The following MSH3 variants were observed in gnomAD, a reference collection of about 807,000 sequenced individuals.
MSH3 encodes the protein DNA mismatch repair protein Msh3.
MSH3 carries 106 observed loss-of-function variants against 123.3 expected under a neutral mutation model. The observed-to-expected ratio is 0.86, with a 90% confidence interval of 0.73 to 1.01. MSH3 has a LOEUF of 1.01. Among genes scored for constraint, MSH3 ranks in the 50% least tolerant of loss-of-function variants. The pLI is 0.00. For synonymous variants in MSH3, 515 were observed against 481.4 expected, an observed-to-expected ratio of 1.07 and a Z score of -0.91; for missense variants, 1,459 against 1,347.6, an observed-to-expected ratio of 1.08 and a Z score of -1.29.
In MSH3 at chr5:80,712,832, A is replaced by G. The variant is rs534545753; in HGVS notation, c.1341-12621A>G. ...AATTATAATTTCAAATAATGCCCTT[A>G]GTCTTCTAAGAAAGTGGTGGTTGTT... On this transcript the variant is annotated intron_variant, in intron 8 of 23. Transcript: ENST00000265081. Among the ~76,000 whole-genome samples the G allele has an allele frequency of 2.2e-4, 34 of 151,904 alleles. 2 individuals carry two copies. The South Asian group carries it at 7.1e-3, about 32-fold the overall frequency.
At chr5:80,784,443 G>A (rs145082646) in intron 17 of MSH3, among the ~76,000 whole-genome samples, 2 of 151,912 alleles carry the variant, frequency 1.3e-5, no homozygotes, top group Admixed American at 1.3e-4. Context: ...TATAGTAGGT[G>A]TATATATTTA....
intron 4 of MSH3, among the ~76,000 whole-genome samples, chr5:80,671,122 C>CA (rs36020965): frequency 1.0e-3 from 152 of 145,076 alleles, no homozygotes; most frequent in Admixed American, 1.9e-3. Context: ...GACTCTGTCT[C>CA]AAAAAAAAAA....
chr5:80,865,230 C>T (rs1746079440), intron 22 of MSH3, among the ~76,000 whole-genome samples: 1 of 151,966 alleles, frequency 6.6e-6, no homozygotes, highest in Non-Finnish European at 1.5e-5. Context: ...TTAGGTTTTC[C>T]TCTTAGTGCC....
At chr5:80,793,185 C>T (rs1331538729) in intron 19 of MSH3, among the ~76,000 whole-genome samples, 4 of 152,200 alleles carry the variant, frequency 2.6e-5, no homozygotes, top group Non-Finnish European at 4.4e-5. Flanking sequence ...ATCCTTTGTA[C>T]TGTGACTATT....
chr5:80,827,943 G>A (rs77887353), intron 20 of MSH3, among the ~76,000 whole-genome samples: 2,487 of 152,102 alleles, frequency 0.016, 68 homozygotes, highest in African/African-American at 0.058. Context: ...CCAAAACTGA[G>A]AGGAAGGTAT....
chr5:80,672,832 A>T lies in MSH3; in HGVS notation c.1001A>T (p.Tyr334Phe), dbSNP rs774838967. 1.9e-5 allele frequency: 30 copies of T among 1,612,974 alleles called. No homozygotes were observed. The highest frequency in any genetic ancestry group is 1.8e-4 in the East Asian group (8 of 44,844). Reference sequence around the variant, plus strand: ...TTTTCCCGGAAATTGACTGCCCTTTATACAAAATCTACACTTATTGGAGAA... The same window carrying T: ...TTTTCCCGGAAATTGACTGCCCTTTTTACAAAATCTACACTTATTGGAGAA... ...SLFSRKLTAL[Y>F]TKSTLIGEDV... Residue 334 changes from tyrosine to phenylalanine, a missense_variant, in exon 6 of 24, where the codon TAT (tyrosine) becomes TTT (phenylalanine). Physicochemically the swap from Tyr to Phe is conservative, Grantham distance 22 (BLOSUM62 3). Coordinates refer to ENST00000265081, the MANE Select transcript of MSH3 (RefSeq NM_002439.5).
At chr5:80,656,620 G>A in intron 2 of MSH3, 89 bp downstream of exon 2, 3 of 1,571,006 alleles carry the variant, frequency 1.9e-6, no homozygotes, top group African/African-American at 1.4e-5. Flanking sequence ...TTAGAATTGT[G>A]TCTTTTTTCT....
At chr5:80,721,409 G>C (rs1173133263) in intron 8 of MSH3, among the ~76,000 whole-genome samples, 1 of 152,108 alleles carries the variant, frequency 6.6e-6, no homozygotes, top group African/African-American at 2.4e-5. Flanking sequence ...CTTTACTGTG[G>C]ACTCCTTGTA....
chr5:80,727,714 A>T (rs1403326049), intron 9 of MSH3, among the ~76,000 whole-genome samples: 1 of 152,226 alleles, frequency 6.6e-6, no homozygotes, highest in Non-Finnish European at 1.5e-5. Context: ...AATAAAACAG[A>T]CAAAAATTCC....
intron 20 of MSH3, among the ~76,000 whole-genome samples, chr5:80,840,683 T>C (rs1745605394): frequency 6.6e-6 from 1 of 151,932 alleles, no homozygotes; most frequent in Admixed American, 6.6e-5. Flanking sequence ...GCCATGTTGG[T>C]TTGCTGCACC....
Position 80,769,012 on chromosome 5 carries a change from A to C in MSH3, c.2253+9A>C, listed in dbSNP as rs1580035130. On this transcript the variant is annotated intron_variant, in intron 15 of 23. Transcript: ENST00000265081. ...CAGTATCAGGACAGGAGGTAATGTCAAGCTTACTTTTATTTTCTATTAGTT... is the reference window on the plus strand; with the variant it reads ...CAGTATCAGGACAGGAGGTAATGTCCAGCTTACTTTTATTTTCTATTAGTT... The C allele has an allele frequency of 6.2e-7, 1 of 1,610,600 alleles. No individual in the cohort carries two copies. Among genetic ancestry groups the C allele is most frequent in the Admixed American group, 1.7e-5 (1 of 59,920 alleles).
At chr5:80,741,654 A>G in intron 11 of MSH3, 106 bp downstream of exon 11, 1 of 780,362 alleles carries the variant, frequency 1.3e-6, no homozygotes. Flanking sequence ...TAGTGTCTTT[A>G]GCTGACTGCA....
At chr5:80,752,101 G>A (rs987160301) in intron 12 of MSH3, among the ~76,000 whole-genome samples, 2 of 151,836 alleles carry the variant, frequency 1.3e-5, no homozygotes, top group Non-Finnish European at 2.9e-5. Flanking sequence ...TGTATGCAAA[G>A]TGTTACATTA....
chr5:80,709,346 GCGGTGGT>G (rs1300495667), intron 8 of MSH3, among the ~76,000 whole-genome samples: 1 of 152,120 alleles, frequency 6.6e-6, no homozygotes, highest in Non-Finnish European at 1.5e-5. Flanking sequence ...AGGGCCGGGT[GCGGTGGT>G]GGCTTACGCC....
At chr5:80,840,835 A>T (rs1042718052) in intron 20 of MSH3, among the ~76,000 whole-genome samples, 8 of 151,344 alleles carry the variant, frequency 5.3e-5, no homozygotes, top group African/African-American at 1.9e-4. Flanking sequence ...ATGAGTGAGA[A>T]CATGCAGTAT....
chr5:80,843,236 G>A (rs1159950430), intron 20 of MSH3, among the ~76,000 whole-genome samples: 1 of 152,188 alleles, frequency 6.6e-6, no homozygotes, highest in African/African-American at 2.4e-5. Flanking sequence ...AAGCAGCCTT[G>A]CATCCCATAG....
chr5:80,847,530 T>C (rs1298202864), intron 20 of MSH3, among the ~76,000 whole-genome samples: 1 of 152,206 alleles, frequency 6.6e-6, no homozygotes, highest in Non-Finnish European at 1.5e-5. Flanking sequence ...TCCCGTTATC[T>C]TCCAGTATTA....
At chr5:80,865,020 AC>A in intron 22 of MSH3, 78 bp downstream of exon 22, 1 of 1,339,314 alleles carries the variant, frequency 7.5e-7, no homozygotes, top group Non-Finnish European at 1.1e-6. Context: ...ACATGAACTT[AC>A]TGCTTATTAA....
At chr5:80,802,078 G>A (rs1206101982) in intron 19 of MSH3, among the ~76,000 whole-genome samples, 1 of 152,130 alleles carries the variant, frequency 6.6e-6, no homozygotes, top group African/African-American at 2.4e-5. Flanking sequence ...ATAAGTGTTA[G>A]ATTAAGATTT....
Sources: allele counts gnomAD v4.1 joint callset (sites outside exome capture counted in the v4.1 genomes callset), GRCh38; gene constraint gnomAD v4.1.1; transcripts MANE v1.5; gene names NCBI Gene and HGNC (gene_info 2026-07-23, HGNC 2026-07-21).